Variants in CALN1 observed in about 807,000 individuals in gnomAD.
CALN1 encodes calneuron 1, also known as calcium-binding protein 8.
A neutral mutation model predicts 30.6 loss-of-function variants in CALN1; 17 were observed. The ratio of observed to expected loss-of-function variants is 0.56; its 90% CI spans 0.38 to 0.83. The LOEUF (loss-of-function observed/expected upper bound fraction) is 0.83. Among genes scored for constraint, CALN1 ranks in the 40% least tolerant of loss-of-function variants. The pLI, the probability that CALN1 is intolerant of heterozygous loss-of-function variation, is 0.00. For missense variants in CALN1, 291 were observed against 354.9 expected, an observed-to-expected ratio of 0.82 and a Z score of 1.45; for synonymous variants, 156 against 131.4, an observed-to-expected ratio of 1.19 and a Z score of -1.28.
chr7:71,871,014 C>G (rs1045192367), intron 5 of CALN1, among the ~76,000 whole-genome samples: 3 of 151,636 alleles, frequency 2.0e-5, no homozygotes, highest in African/African-American at 7.3e-5. Flanking sequence ...AACTGTCTGA[C>G]AACACGCACC....
chr7:72,428,976 G>C (rs1322248406), intron 1 of CALN1, among the ~76,000 whole-genome samples: 1 of 152,194 alleles, frequency 6.6e-6, no homozygotes, highest in Non-Finnish European at 1.5e-5. Context: ...AAGCAGCCCA[G>C]CTCAGCCTGA....
chr7:72,468,146 A>G, the CALN1 span, among the ~76,000 whole-genome samples: 15 of 152,158 alleles, frequency 9.9e-5, no homozygotes, highest in Non-Finnish European at 1.9e-4. Flanking sequence ...CCAGTCTTCC[A>G]TTGTTGGACA....
chr7:72,216,437 T>C (rs1020274608), intron 3 of CALN1, among the ~76,000 whole-genome samples: 1 of 151,456 alleles, frequency 6.6e-6, no homozygotes, highest in Non-Finnish European at 1.5e-5. Flanking sequence ...TAAAGATAAA[T>C]AAATACATAT....
upstream of CALN1, among the ~76,000 whole-genome samples, chr7:72,447,856 C>T (rs1808573987): frequency 6.6e-6 from 1 of 151,250 alleles, no homozygotes; most frequent in Non-Finnish European, 1.5e-5. Flanking sequence ...CACATTCCTG[C>T]CCATGCACAC....
At chr7:72,185,233 C>T (rs960220005) in intron 3 of CALN1, among the ~76,000 whole-genome samples, 3 of 152,044 alleles carry the variant, frequency 2.0e-5, no homozygotes, top group African/African-American at 7.2e-5. Flanking sequence ...GAAAAATGTA[C>T]ATGGGAAAGA....
At chr7:72,055,494 C>G (rs1803194156) in intron 4 of CALN1, among the ~76,000 whole-genome samples, 1 of 151,832 alleles carries the variant, frequency 6.6e-6, no homozygotes, top group Admixed American at 6.6e-5. Flanking sequence ...ATATGGTAAT[C>G]ATCGTTGCAA....
At chr7:72,216,803 G>C (rs1377072688) in intron 3 of CALN1, among the ~76,000 whole-genome samples, 1 of 152,298 alleles carries the variant, frequency 6.6e-6, no homozygotes, top group East Asian at 1.9e-4. Context: ...CCAGGCTGGA[G>C]TTCAGTAGCA....
chr7:72,190,090 T>G (rs575016294), intron 3 of CALN1, among the ~76,000 whole-genome samples: 11 of 152,198 alleles, frequency 7.2e-5, no homozygotes, highest in Non-Finnish European at 1.5e-4. Context: ...GTGCAGTGGT[T>G]CATGCCTGTA....
intron 2 of CALN1, among the ~76,000 whole-genome samples, chr7:72,361,245 A>G (rs1562921583): frequency 6.6e-6 from 1 of 152,210 alleles, no homozygotes; most frequent in Admixed American, 6.5e-5. Flanking sequence ...CCCCAGATCC[A>G]AAGGCCAAGC....
intron 3 of CALN1, among the ~76,000 whole-genome samples, chr7:72,208,066 GC>G (rs1792025162): frequency 6.6e-6 from 1 of 152,134 alleles, no homozygotes. Context: ...AAACAGAGAG[GC>G]TTTTTAAATG....
intron 2 of CALN1, among the ~76,000 whole-genome samples, chr7:72,377,710 GAA>G: frequency 6.6e-6 from 1 of 152,250 alleles, no homozygotes; most frequent in Admixed American, 6.5e-5. Context: ...TGAGTGGACT[GAA>G]ATTTCCTTAA....
At chr7:71,926,220 C>T (rs976409917) in intron 5 of CALN1, among the ~76,000 whole-genome samples, 9 of 152,146 alleles carry the variant, frequency 5.9e-5, no homozygotes, top group Non-Finnish European at 1.0e-4. Context: ...CATGTGTCCC[C>T]GATGAGCATT....
At chr7:72,070,853 T>C (rs970418455) in intron 4 of CALN1, among the ~76,000 whole-genome samples, 11 of 152,208 alleles carry the variant, frequency 7.2e-5, no homozygotes, top group African/African-American at 1.9e-4. Context: ...TTAAGTCCTA[T>C]TGGACATTTG....
At chr7:72,157,322 A>G (rs1157623663) in intron 3 of CALN1, among the ~76,000 whole-genome samples, 1 of 152,226 alleles carries the variant, frequency 6.6e-6, no homozygotes. Flanking sequence ...GTACCTTAAA[A>G]TACGCTGGCT....
intron 3 of CALN1, among the ~76,000 whole-genome samples, chr7:72,140,653 T>C (rs1213480234): frequency 6.6e-6 from 1 of 152,190 alleles, no homozygotes; most frequent in Non-Finnish European, 1.5e-5. Context: ...GTAGGATAAA[T>C]GAATGAACAG....
chr7:72,127,464 G>A (rs1808847872), intron 3 of CALN1, among the ~76,000 whole-genome samples: 1 of 152,176 alleles, frequency 6.6e-6, no homozygotes, highest in African/African-American at 2.4e-5. Context: ...GATCTGACTT[G>A]TGTATTAAAA....
At chr7:72,402,478 G>A (rs374769731) in intron 2 of CALN1, among the ~76,000 whole-genome samples, 2 of 152,294 alleles carry the variant, frequency 1.3e-5, no homozygotes, top group African/African-American at 4.8e-5. Context: ...GCCTTAGGGA[G>A]ACAATTTCAG....
intron 2 of CALN1, among the ~76,000 whole-genome samples, chr7:72,339,153 ATTC>A (rs1216177325): frequency 2.0e-5 from 3 of 152,136 alleles, no homozygotes; most frequent in Non-Finnish European, 4.4e-5. Flanking sequence ...ACTGGATCTC[ATTC>A]TTTTTTATGG....
chr7:71,812,929 C>CATTATTATTATT (rs71092917), intron 5 of CALN1, among the ~76,000 whole-genome samples: 91 of 136,506 alleles, frequency 6.7e-4, no homozygotes, highest in South Asian at 1.2e-3. Flanking sequence ...TCATCATCAT[C>CATTATTATTATT]ATTATTATTA....
Sources: gnomAD v4.1 joint callset for allele counts (sites outside exome capture counted in the v4.1 genomes callset) on GRCh38, gnomAD v4.1.1 for gene constraint, MANE v1.5 for transcripts, NCBI Gene and HGNC (gene_info 2026-07-23, HGNC 2026-07-21) for gene names.